The following ARID3A variants were observed in gnomAD, a reference collection of about 807,000 sequenced individuals.
The protein encoded by ARID3A is AT-rich interactive domain-containing protein 3A.
In ARID3A, 11 loss-of-function variants were observed where a neutral mutation model predicts 52.7. The observed-to-expected ratio is 0.21, with a 90% CI of 0.13 to 0.35. The LOEUF is 0.35. ARID3A is among the 10% of genes least tolerant of loss of function. The probability of loss-of-function intolerance (pLI) is 1.00; values close to 1 mark genes in which losing one functional copy is unlikely to be tolerated. For synonymous variants in ARID3A, 404 were observed against 359.4 expected, an observed-to-expected ratio of 1.12 and a Z score of -1.40; for missense variants, 721 against 838.5, an observed-to-expected ratio of 0.86 and a Z score of 1.73.
At position 943,718 on chromosome 19, in the gene ARID3A, C is replaced by T. The variant is rs539704003; in HGVS notation, c.693+10976C>T. 4.1e-4 allele frequency among the ~76,000 whole-genome samples: 63 copies of T among 152,324 alleles called. 1 individual carries two copies. The East Asian group carries it at 9.8e-3, about 24-fold the overall frequency. On this transcript the variant is annotated intron_variant, in intron 3 of 8. Transcript: ENST00000263620. ...GCTGGGAGAGGAGGGAAGGACCCTC[C>T]CCTGGAGCCCCAGTGACACGCTGAT... is the stretch of plus-strand genomic sequence containing the variant.
intron 1 of ARID3A, among the ~76,000 whole-genome samples, chr19:926,621 T>C (rs1285938091): frequency 6.6e-6 from 1 of 151,528 alleles, no homozygotes; most frequent in Non-Finnish European, 1.5e-5. Flanking sequence ...GGTTTATTTA[T>C]AAAGTGTCCG....
Position 960,174 on chromosome 19 carries a change from C to T in ARID3A, c.766+10C>T. On this transcript the variant is annotated intron_variant, in intron 4 of 8. Transcript: ENST00000263620. This position sits in a 1 kb window ranked among gnomAD's most constrained non-coding sequence, Gnocchi z 4.3. ...TTCATGCAGAAGCGAGGTGAGCCCT[C>T]TGCCCCCACCCCGCTGGAGGGAGGT... 1.9e-6 allele frequency: 3 copies of T among 1,607,836 alleles called. No individual in the cohort carries two copies. The highest frequency in any genetic ancestry group is 1.1e-5 in the South Asian group (1 of 90,434).
intron 4 of ARID3A, among the ~76,000 whole-genome samples, chr19:961,536 G>A (rs1251568593): frequency 1.3e-5 from 2 of 152,218 alleles, no homozygotes; most frequent in African/African-American, 4.8e-5. Flanking sequence ...CCACTCTGCT[G>A]TGGGGCTCCG....
intron 2 of ARID3A, among the ~76,000 whole-genome samples, chr19:930,212 T>G (rs1276956259): frequency 6.7e-6 from 1 of 150,358 alleles, no homozygotes; most frequent in Non-Finnish European, 1.5e-5. Context: ...ATTGTGCCAC[T>G]GCACTCCAGC....
chr19:933,152 C>G (rs1240259915), intron 3 of ARID3A, among the ~76,000 whole-genome samples: 1 of 152,162 alleles, frequency 6.6e-6, no homozygotes, highest in Admixed American at 6.5e-5. Context: ...CCTCCTCTGT[C>G]CCCTGGCATC....
At chr19:954,678 A>G (rs349310) in intron 3 of ARID3A, among the ~76,000 whole-genome samples, 132,636 of 152,156 alleles carry the variant, frequency 0.87, 58,258 homozygotes, top group Middle Eastern at 0.94. Context: ...GGAGCAGAGC[A>G]TCTGCGGAGG....
Position 944,213 on chromosome 19 carries a change from G to A in ARID3A, c.693+11471G>A, listed in dbSNP as rs547880207. ...CGTGCATGAAGCAGAAGCTCCTGCC[G>A]CCGGCACTGGAGTCCTGACGTCGGC... On this transcript the variant is annotated intron_variant, in intron 3 of 8. Transcript: ENST00000263620. This position sits in a 1 kb window ranked among gnomAD's most constrained non-coding sequence, Gnocchi z 5.9. 1.1e-4 allele frequency among the ~76,000 whole-genome samples: 16 copies of A among 152,078 alleles called. No homozygotes were observed. In the South Asian group the frequency reaches 2.7e-3, roughly 26 times the overall value.
intron 3 of ARID3A, among the ~76,000 whole-genome samples, chr19:945,994 G>A (rs965896588): frequency 6.6e-6 from 1 of 152,126 alleles, no homozygotes; most frequent in African/African-American, 2.4e-5. Flanking sequence ...GCCCAGCTCT[G>A]GGCAAAGTGC....
intron 6 of ARID3A, among the ~76,000 whole-genome samples, chr19:965,563 G>C (rs568877425): frequency 6.6e-6 from 1 of 151,838 alleles, no homozygotes; most frequent in African/African-American, 2.4e-5. Context: ...GCGTGGCAAC[G>C]TGCACCTGTG....
intron 3 of ARID3A, among the ~76,000 whole-genome samples, chr19:940,297 C>CA (rs1318701020): frequency 2.0e-5 from 3 of 151,424 alleles, no homozygotes; most frequent in Non-Finnish European, 4.4e-5. Context: ...CCTGATGAGC[C>CA]AAAAAAAATT....
intron 3 of ARID3A, among the ~76,000 whole-genome samples, chr19:939,395 G>C (rs1208359511): frequency 6.6e-6 from 1 of 152,136 alleles, no homozygotes; most frequent in East Asian, 1.9e-4. Context: ...GGGATGACAG[G>C]CCTGAGCCAC....
chr19:960,040 C>G lies in ARID3A; in HGVS notation c.694-52C>G. 1 of 1,531,358 alleles carries G rather than the reference C, an allele frequency of 6.5e-7. No individual in the cohort carries two copies. The highest frequency in any genetic ancestry group is 9.0e-7 in the Non-Finnish European group (1 of 1,112,240). 94.9% of individuals were successfully genotyped at this position (1,531,358 alleles called of 1,614,324 possible). ...CCTCCAGTGCAGGAGGGACATGGTTCCCACACCTGAGCTCTGGCACCAACT... is the reference window on the plus strand; with the variant it reads ...CCTCCAGTGCAGGAGGGACATGGTTGCCACACCTGAGCTCTGGCACCAACT... On this transcript the variant is annotated intron_variant, in intron 3 of 8. Transcript: ENST00000263620. This position sits in a 1 kb window ranked among gnomAD's most constrained non-coding sequence, Gnocchi z 4.3.
At chr19:953,958 A>G (rs1291874129) in intron 3 of ARID3A, among the ~76,000 whole-genome samples, 12 of 152,198 alleles carry the variant, frequency 7.9e-5, no homozygotes, top group Non-Finnish European at 1.5e-5. Flanking sequence ...CTGTGGTCTC[A>G]TTGGCTCAGG....
At chr19:951,282 C>T (rs1157719259) in intron 3 of ARID3A, among the ~76,000 whole-genome samples, 1 of 150,110 alleles carries the variant, frequency 6.7e-6, no homozygotes, top group South Asian at 2.2e-4. Flanking sequence ...TAAGGCCAGG[C>T]GCGGTGGCTC....
rs1345006898 is a variant in ARID3A at position 959,002 on chromosome 19, G to T, written c.694-1090G>T. Among the ~76,000 whole-genome samples the T allele has an allele frequency of 6.6e-6, 1 of 152,260 alleles. No individual in the cohort carries two copies. Among genetic ancestry groups the T allele is most frequent in the African/African-American group, 2.4e-5 (1 of 41,476 alleles). ...GCCTACGGGACCCAGGACAGCCACA[G>T]ATTTGTAGCCCAGGAGCGCTGGCTG... On this transcript the variant is annotated intron_variant, in intron 3 of 8. Transcript: ENST00000263620. The surrounding 1 kb of genome is among the most constrained non-coding windows in gnomAD (Gnocchi z 5.0).
chr19:938,675 A>G lies in ARID3A; in HGVS notation c.693+5933A>G, dbSNP rs2145374991. On this transcript the variant is annotated intron_variant, in intron 3 of 8. Transcript: ENST00000263620. This position sits in a 1 kb window ranked among gnomAD's most constrained non-coding sequence, Gnocchi z 4.0. ...CCTCATATCCAGGCCTCCGGGCCTGACAGCTGGGCGTGTGTGGGCACTGGG... is the reference window on the plus strand; with the variant it reads ...CCTCATATCCAGGCCTCCGGGCCTGGCAGCTGGGCGTGTGTGGGCACTGGG... 1.3e-5 allele frequency among the ~76,000 whole-genome samples: 2 copies of G among 152,280 alleles called. No individual in the cohort carries two copies. Among genetic ancestry groups the G allele is most frequent in the South Asian group, 4.1e-4 (2 of 4,830 alleles).
chr19:961,392 C>T (rs995328128), intron 4 of ARID3A, among the ~76,000 whole-genome samples: 1 of 152,204 alleles, frequency 6.6e-6, no homozygotes, highest in South Asian at 2.1e-4. Flanking sequence ...GGATCCAGAC[C>T]CGGGACCTGG....
In ARID3A at chr19:972,086, C is replaced by T; in HGVS notation, c.*21C>T. 1 of 1,507,482 alleles carries T rather than the reference C, an allele frequency of 6.6e-7. No homozygotes were observed. The highest frequency in any genetic ancestry group is 8.8e-7 in the Non-Finnish European group (1 of 1,131,124). 93.4% of individuals were successfully genotyped at this position (1,507,482 alleles called of 1,614,324 possible). A position where few individuals can be genotyped will look rare whatever the true frequency, so the allele number is the denominator to read the frequency against. Reference sequence around the variant, plus strand: ...CTTAACCGCATCACTCCCCACCCGCCACCCACCCTGGAGCCCGCCGGCCTG... The same window carrying T: ...CTTAACCGCATCACTCCCCACCCGCTACCCACCCTGGAGCCCGCCGGCCTG... On this transcript the variant is annotated 3_prime_UTR_variant, in exon 9 of 9. Transcript: ENST00000263620.
intron 3 of ARID3A, among the ~76,000 whole-genome samples, chr19:935,140 C>T (rs966786663): frequency 2.6e-5 from 4 of 152,228 alleles, no homozygotes; most frequent in African/African-American, 9.6e-5. Context: ...CGCTTGGCAC[C>T]GTCTCTGCCT....
Sources: allele counts gnomAD v4.1 joint callset (sites outside exome capture counted in the v4.1 genomes callset), GRCh38; gene constraint gnomAD v4.1.1; non-coding constraint Gnocchi (gnomAD v3.1); transcripts MANE v1.5; gene names NCBI Gene and HGNC (gene_info 2026-07-23, HGNC 2026-07-21).